The following PRDM16 variants were observed in gnomAD, a reference collection of about 807,000 sequenced individuals.
PRDM16 encodes the protein histone-lysine N-methyltransferase PRDM16.
In PRDM16, 23 loss-of-function variants were observed where a neutral mutation model predicts 110.6. The ratio of observed to expected loss-of-function variants is 0.21; its 90% CI spans 0.15 to 0.29. The LOEUF is 0.29. PRDM16 is among the 10% of genes least tolerant of loss of function. The pLI is 1.00. For synonymous variants in PRDM16, 799 were observed against 781.8 expected (o/e 1.02, Z -0.37); for missense variants, 1,615 against 1,794.3 (o/e 0.90, Z 1.81).
intron 3 of PRDM16, among the ~76,000 whole-genome samples, chr1:3,257,565 A>C (rs1185148560): frequency 8.3e-6 from 1 of 121,084 alleles, no homozygotes; most frequent in Admixed American, 9.2e-5. Flanking sequence ...TAAGACAATG[A>C]GTTTTAGAAG....
intron 3 of PRDM16, among the ~76,000 whole-genome samples, chr1:3,315,845 C>T (rs900615977): frequency 5.3e-5 from 8 of 152,224 alleles, no homozygotes; most frequent in African/African-American, 1.4e-4. Context: ...TGATTAGAGC[C>T]GGGCTCCGAG....
At chr1:3,279,478 C>T (rs753811823) in intron 3 of PRDM16, among the ~76,000 whole-genome samples, 1 of 152,246 alleles carries the variant, frequency 6.6e-6, no homozygotes, top group Non-Finnish European at 1.5e-5. Flanking sequence ...CAGTCTGGGA[C>T]GCCCTGCACG....
At chr1:3,214,184 C>T (rs1638967109) in intron 2 of PRDM16, among the ~76,000 whole-genome samples, 1 of 152,206 alleles carries the variant, frequency 6.6e-6, no homozygotes, top group Non-Finnish European at 1.5e-5. Flanking sequence ...CCTTTTCAGA[C>T]AGGCGTCTTT....
intron 1 of PRDM16, among the ~76,000 whole-genome samples, chr1:3,185,085 G>A (rs1199466545): frequency 6.6e-6 from 1 of 152,204 alleles, no homozygotes; most frequent in African/African-American, 2.4e-5. Flanking sequence ...CTGCCACTGT[G>A]AACATTCGCC....
chr1:3,192,654 G>A (rs1366581921), intron 2 of PRDM16, among the ~76,000 whole-genome samples: 2 of 152,138 alleles, frequency 1.3e-5, no homozygotes, highest in African/African-American at 4.8e-5. Context: ...CTTGGCCACA[G>A]GTCTGAGCCC....
intron 2 of PRDM16, among the ~76,000 whole-genome samples, chr1:3,236,260 G>A (rs1377774511): frequency 6.6e-6 from 1 of 152,006 alleles, no homozygotes; most frequent in Non-Finnish European, 1.5e-5. Context: ...CCTGGGGCTG[G>A]GAAGGAGGCT....
At chr1:3,181,099 CA>C (rs1644157272) in intron 1 of PRDM16, among the ~76,000 whole-genome samples, 6 of 22,256 alleles carry the variant, frequency 2.7e-4, no homozygotes, top group South Asian at 1.2e-3. Flanking sequence ...CTTACACACG[CA>C]GTCTTACACG....
At chr1:3,280,026 C>T (rs886142208) in intron 3 of PRDM16, among the ~76,000 whole-genome samples, 1 of 151,320 alleles carries the variant, frequency 6.6e-6, no homozygotes, top group Non-Finnish European at 1.5e-5. Flanking sequence ...TAATGCCATA[C>T]TTTTTTTGTA....
intron 3 of PRDM16, among the ~76,000 whole-genome samples, chr1:3,327,978 G>T (rs1641954924): frequency 6.6e-6 from 1 of 152,230 alleles, no homozygotes. Flanking sequence ...AAAATGCTGG[G>T]TTTTCTCAGA....
Position 3,412,105 on chromosome 1 carries a change from C to G in PRDM16, c.1908C>G (p.Asp636Glu). ...DSDVDSDPDK[D>E]KGKGKSAEGQ... ...ACGTGGACAGCGACCCTGACAAGGACAAGGGCAAGGGCAAGTCCGCCGAGG... is the reference window on the plus strand; with the variant it reads ...ACGTGGACAGCGACCCTGACAAGGAGAAGGGCAAGGGCAAGTCCGCCGAGG... Residue 636 changes from aspartate (D) to glutamate (E), a missense_variant, in exon 9 of 17, where the codon GAC becomes GAG. By Grantham distance (45) the Asp-to-Glu change is conservative. Coordinates refer to ENST00000270722, the MANE Select transcript of PRDM16 (RefSeq NM_022114.4). 2 of 1,573,676 alleles carry G rather than the reference C, an allele frequency of 1.3e-6. No homozygotes were observed. The highest frequency in any genetic ancestry group is 1.7e-6 in the Non-Finnish European group (2 of 1,159,188).
chr1:3,409,016 C>T (rs7521376), intron 8 of PRDM16, among the ~76,000 whole-genome samples: 2,512 of 138,698 alleles, frequency 0.018, 79 homozygotes, highest in African/African-American at 0.065. Flanking sequence ...TGAGCCGGGG[C>T]ATGTCAGTGT....
intron 3 of PRDM16, 147 bp from the exon 4 acceptor site, chr1:3,385,005 T>C: frequency 3.2e-6 from 3 of 941,956 alleles, no homozygotes; most frequent in South Asian, 1.5e-5. Context: ...GGAGCCCCGC[T>C]GATGCCCGGA....
At chr1:3,110,440 A>G (rs12758074) in intron 1 of PRDM16, among the ~76,000 whole-genome samples, 1 of 102,588 alleles carries the variant, frequency 9.7e-6, no homozygotes, top group South Asian at 3.5e-4. Context: ...CTGGGTGTGC[A>G]GACACAGTGC....
At chr1:3,331,543 G>A (rs1295864773) in intron 3 of PRDM16, among the ~76,000 whole-genome samples, 2 of 152,188 alleles carry the variant, frequency 1.3e-5, no homozygotes, top group South Asian at 4.1e-4. Context: ...CACATGGGAC[G>A]GGGGCTGCCA....
chr1:3,190,713 C>T lies in PRDM16; in HGVS notation c.387+4239C>T, dbSNP rs887773074. On this transcript the variant is annotated intron_variant, in intron 2 of 16. Transcript: ENST00000270722. The surrounding 1 kb of genome is among the most constrained non-coding windows in gnomAD (Gnocchi z 5.0). The stretch of plus-strand genomic sequence containing the variant: ...CAGTCTCTTCCCAAATACCACGCCC[C>T]GCCGGTCGCCGCCGAAGCCCACCTG... 8.5e-5 allele frequency among the ~76,000 whole-genome samples: 13 copies of T among 152,196 alleles called. No individual in the cohort carries two copies. The highest frequency in any genetic ancestry group is 2.4e-4 in the African/African-American group (10 of 41,450).
chr1:3,428,469 C>T (rs566650998), intron 14 of PRDM16, among the ~76,000 whole-genome samples: 3 of 152,362 alleles, frequency 2.0e-5, no homozygotes, highest in Non-Finnish European at 2.9e-5. Flanking sequence ...TCAGAACATA[C>T]GGGCACAGCC....
intron 3 of PRDM16, among the ~76,000 whole-genome samples, chr1:3,317,135 C>T (rs758557029): frequency 6.6e-6 from 1 of 152,194 alleles, no homozygotes; most frequent in Non-Finnish European, 1.5e-5. Context: ...CGAGGTTGTC[C>T]ACAGACGCGC....
intron 2 of PRDM16, among the ~76,000 whole-genome samples, chr1:3,236,083 C>G (rs182816217): frequency 6.6e-6 from 1 of 152,072 alleles, no homozygotes; most frequent in African/African-American, 2.4e-5. Flanking sequence ...GGCATCCCTG[C>G]AGGCGCCACC....
At chr1:3,128,118 T>C (rs1249146299) in intron 1 of PRDM16, 1 of 154,666 alleles carries the variant, frequency 6.5e-6, no homozygotes, top group Non-Finnish European at 1.5e-5. Context: ...CGCCTCTCAC[T>C]GGAGAGAGAC....
Sources: allele counts gnomAD v4.1 joint callset (sites outside exome capture counted in the v4.1 genomes callset), GRCh38; gene constraint gnomAD v4.1.1; non-coding constraint Gnocchi (gnomAD v3.1); transcripts MANE v1.5; gene names NCBI Gene and HGNC (gene_info 2026-07-23, HGNC 2026-07-21).